The following AKAP7 variants were observed in gnomAD, a reference collection of about 807,000 sequenced individuals.
AKAP7 encodes A-kinase anchoring protein 7, also known as A kinase (PRKA) anchor protein 7.
In AKAP7, 39 loss-of-function variants were observed where a neutral mutation model predicts 39.5. The ratio of observed to expected loss-of-function variants is 0.99; its 90% confidence interval spans 0.76 to 1.29. The LOEUF (loss-of-function observed/expected upper bound fraction) is 1.29. AKAP7 is among the 50% of genes most tolerant of loss of function. The pLI is 0.00. For missense variants in AKAP7, 414 were observed against 407.7 expected, an observed-to-expected ratio of 1.02 and a Z score of -0.13; for synonymous variants, 140 against 139.1, an observed-to-expected ratio of 1.01 and a Z score of -0.05.
intron 7 of AKAP7, among the ~76,000 whole-genome samples, chr6:131,270,963 C>G (rs185879810): frequency 6.6e-6 from 1 of 152,068 alleles, no homozygotes; most frequent in Admixed American, 6.6e-5. Flanking sequence ...TTTGTTTTCT[C>G]GCTACAAGTT....
chr6:131,220,830 C>T (rs1399490388), intron 7 of AKAP7, among the ~76,000 whole-genome samples: 5 of 151,910 alleles, frequency 3.3e-5, no homozygotes, highest in Non-Finnish European at 7.4e-5. Context: ...ATGTTATTAT[C>T]GTTATTGTTT....
At chr6:131,136,273 C>G (rs1225182556) in intron 1 of AKAP7, among the ~76,000 whole-genome samples, 1 of 152,156 alleles carries the variant, frequency 6.6e-6, no homozygotes, top group Admixed American at 6.5e-5. Flanking sequence ...TCTACACTAG[C>G]GCCCGGAATG....
At position 131,241,587 on chromosome 6, in the gene AKAP7, G is replaced by A. The variant is rs1323284783; in HGVS notation, c.850+21779G>A. On this transcript the variant is annotated intron_variant, in intron 7 of 7. Transcript: ENST00000431975. ...ACATAGATTATATATATGTGTGTGT[G>A]TGTGTGTGTGTGTGTGTGTGTGTGT... 2.1e-4 allele frequency among the ~76,000 whole-genome samples: 17 copies of A among 80,754 alleles called. No individual in the cohort carries two copies. The South Asian group carries it at 2.5e-3, about 12-fold the overall frequency. 53.0% of individuals were successfully genotyped at this position (80,754 alleles called of 152,430 possible).
chr6:131,222,113 G>A (rs747623795), intron 7 of AKAP7, among the ~76,000 whole-genome samples: 16 of 152,204 alleles, frequency 1.1e-4, no homozygotes, highest in Non-Finnish European at 1.8e-4. Context: ...ACTCATGGGA[G>A]GAAGTCAAAA....
At chr6:131,126,036 G>C in the AKAP7 span, among the ~76,000 whole-genome samples, 1 of 152,254 alleles carries the variant, frequency 6.6e-6, no homozygotes, top group East Asian at 1.9e-4. Flanking sequence ...TTAGAAAAAT[G>C]TTCTGTCTGC....
intron 6 of AKAP7, among the ~76,000 whole-genome samples, chr6:131,206,756 G>GCTGT (rs963428330): frequency 6.6e-6 from 1 of 151,474 alleles, no homozygotes; most frequent in South Asian, 2.1e-4. Flanking sequence ...TACCTAGCTA[G>GCTGT]CTGTCTGTCT....
chr6:131,179,886 A>G (rs188231463), intron 5 of AKAP7, among the ~76,000 whole-genome samples: 1 of 151,598 alleles, frequency 6.6e-6, no homozygotes, highest in African/African-American at 2.4e-5. Context: ...TAAATAAATA[A>G]ATAAATAAAT....
chr6:131,199,628 C>G (rs1041565277), intron 6 of AKAP7, 55 bp downstream of exon 6: 1 of 1,351,892 alleles, frequency 7.4e-7, no homozygotes. Context: ...CAGCCATAAG[C>G]ATGGTCTGGA....
At chr6:131,249,371 A>G (rs973354586) in intron 7 of AKAP7, among the ~76,000 whole-genome samples, 2 of 152,126 alleles carry the variant, frequency 1.3e-5, no homozygotes, top group African/African-American at 2.4e-5. Flanking sequence ...GACAAATATA[A>G]TTTGTAAAAT....
At chr6:131,243,094 C>T (rs1024519634) in intron 7 of AKAP7, among the ~76,000 whole-genome samples, 1 of 152,138 alleles carries the variant, frequency 6.6e-6, no homozygotes, top group African/African-American at 2.4e-5. Context: ...TGTAAGTATG[C>T]AGGCTGAGCG....
At chr6:131,210,106 G>C (rs1205046962) in intron 6 of AKAP7, among the ~76,000 whole-genome samples, 5 of 152,158 alleles carry the variant, frequency 3.3e-5, no homozygotes, top group African/African-American at 1.2e-4. Context: ...CTTCTTGAGG[G>C]ACTCAGATAT....
At chr6:131,134,702 T>C (rs978372692), upstream of AKAP7, among the ~76,000 whole-genome samples, 2 of 152,226 alleles carry the variant, frequency 1.3e-5, no homozygotes, top group Non-Finnish European at 1.5e-5. Flanking sequence ...TGCCGACTTC[T>C]AGTGTGCAGC....
chr6:131,160,050 T>C lies in AKAP7; in HGVS notation c.152-9T>C. On this transcript the variant is annotated splice_polypyrimidine_tract_variant and intron_variant, in intron 2 of 7. Transcript: ENST00000431975. Reference sequence around the variant, plus strand: ...GTATTAGACGTATTGTTTGACTTTTTTCCTCTAGTCACTGATGAACCTCAA... The same window carrying C: ...GTATTAGACGTATTGTTTGACTTTTCTCCTCTAGTCACTGATGAACCTCAA... 6.4e-7 allele frequency: 1 copy of C among 1,571,690 alleles called. No homozygotes were observed. The highest frequency in any genetic ancestry group is 1.2e-5 in the South Asian group (1 of 83,084).
chr6:131,185,916 C>CT (rs1304904831), intron 5 of AKAP7, among the ~76,000 whole-genome samples: 4 of 152,174 alleles, frequency 2.6e-5, no homozygotes, highest in Admixed American at 2.6e-4. Flanking sequence ...ACCTTTCCCT[C>CT]TATGTTTTTT....
At chr6:131,210,851 G>A (rs1023733498) in intron 6 of AKAP7, among the ~76,000 whole-genome samples, 2 of 151,978 alleles carry the variant, frequency 1.3e-5, no homozygotes, top group Non-Finnish European at 2.9e-5. Flanking sequence ...TTCACGACTT[G>A]GTCCCCTTGG....
chr6:131,159,921 A>G (rs1187586969), intron 2 of AKAP7, 138 bp from the exon 3 acceptor site: 16 of 811,574 alleles, frequency 2.0e-5, no homozygotes, highest in Non-Finnish European at 3.0e-5. Flanking sequence ...CCTTTACAGA[A>G]ATGTTTGCAA....
At chr6:131,266,561 G>A (rs971715340) in intron 7 of AKAP7, among the ~76,000 whole-genome samples, 2 of 152,052 alleles carry the variant, frequency 1.3e-5, no homozygotes, top group East Asian at 3.9e-4. Flanking sequence ...AATACTTTTT[G>A]GAGCCTCTTG....
intron 7 of AKAP7, among the ~76,000 whole-genome samples, chr6:131,228,706 C>A (rs960189819): frequency 1.4e-4 from 21 of 152,072 alleles, no homozygotes; most frequent in African/African-American, 5.1e-4. Flanking sequence ...GCCCATGGAT[C>A]CCTGGTGGTC....
At chr6:131,133,517 C>T (rs1179387629), upstream of AKAP7, among the ~76,000 whole-genome samples, 1 of 152,148 alleles carries the variant, frequency 6.6e-6, no homozygotes, top group Non-Finnish European at 1.5e-5. Flanking sequence ...TAAAATGTTC[C>T]TCCACATGGT....
Sources: allele counts gnomAD v4.1 joint callset (sites outside exome capture counted in the v4.1 genomes callset), GRCh38; gene constraint gnomAD v4.1.1; transcripts MANE v1.5; gene names NCBI Gene and HGNC (gene_info 2026-07-23, HGNC 2026-07-21).